Variants in ASH1L observed in about 807,000 individuals in gnomAD.
The protein encoded by ASH1L is ASH1 like histone lysine methyltransferase.
Under a neutral mutation model 269.0 loss-of-function variants are expected in ASH1L, and 23 were observed. The observed-to-expected ratio is 0.09, with a 90% confidence interval of 0.06 to 0.12. The LOEUF is 0.12. ASH1L is among the 10% of genes least tolerant of loss of function. ASH1L has a pLI of 1.00. For synonymous variants in ASH1L, 1,187 were observed against 1,253.5 expected, an observed-to-expected ratio of 0.95 and a Z score of 1.12; for missense variants, 2,912 against 3,567.8, an observed-to-expected ratio of 0.82 and a Z score of 4.68.
chr1:155,490,968 C>CAAAAAAAAAAAAAAAA (rs767615285), intron 2 of ASH1L, among the ~76,000 whole-genome samples: 1 of 61,380 alleles, frequency 1.6e-5, no homozygotes, highest in Non-Finnish European at 2.9e-5. Context: ...ACCCTGATTC[C>CAAAAAAAAAAAAAAAA]AAAAAAAAAA....
chr1:155,454,772 T>TAATAAATA (rs202144102), intron 4 of ASH1L, among the ~76,000 whole-genome samples: 1 of 151,820 alleles, frequency 6.6e-6, no homozygotes, highest in Non-Finnish European at 1.5e-5. Flanking sequence ...CTGTCAAAAA[T>TAATAAATA]AATAAATAAA....
chr1:155,495,740 G>A (rs991421788), intron 2 of ASH1L, among the ~76,000 whole-genome samples: 7 of 152,184 alleles, frequency 4.6e-5, no homozygotes, highest in African/African-American at 1.7e-4. Flanking sequence ...CTCAACGCCT[G>A]TAATCCCAGT....
chr1:155,361,518 C>CAAAAAAAAAAAA (rs1161207568), intron 12 of ASH1L, among the ~76,000 whole-genome samples: 3 of 36,380 alleles, frequency 8.2e-5, no homozygotes, highest in African/African-American at 2.6e-4. Flanking sequence ...CTCCATCTCA[C>CAAAAAAAAAAAA]AAAAAAAAAA....
chr1:155,372,528 C>T (rs775993519), intron 10 of ASH1L, among the ~76,000 whole-genome samples: 18 of 151,892 alleles, frequency 1.2e-4, no homozygotes, highest in Admixed American at 9.8e-4. Context: ...AGGCTGGTCT[C>T]GAACTCCTGG....
At chr1:155,459,511 T>C (rs999878476) in intron 4 of ASH1L, among the ~76,000 whole-genome samples, 4 of 152,290 alleles carry the variant, frequency 2.6e-5, no homozygotes, top group Admixed American at 2.0e-4. Context: ...CAATTTTATA[T>C]GTATCTAAAT....
chr1:155,530,468 G>C (rs1170791240), intron 1 of ASH1L, among the ~76,000 whole-genome samples: 1 of 151,998 alleles, frequency 6.6e-6, no homozygotes, highest in Admixed American at 6.6e-5. Context: ...GCTCACGCCT[G>C]TAATCCCAGC....
At position 155,480,940 on chromosome 1, in the gene ASH1L, G is replaced by T; in HGVS notation, c.1930C>A (p.Pro644Thr). The T allele has an allele frequency of 1.2e-6, 2 of 1,613,920 alleles. No individual in the cohort carries two copies. The highest frequency in any genetic ancestry group is 1.7e-6 in the Non-Finnish European group (2 of 1,179,938). ...TTTCCAAGGGAAGAGCTTATTCTTG[G>T]AATATCTATATGGGTAGTTTTTGAA... is the stretch of plus-strand genomic sequence containing the variant. Reference protein sequence around the residue: ...NDSKTTHIDIPRISSSLGKKP... With the variant: ...NDSKTTHIDITRISSSLGKKP... Residue 644 changes from proline (P) to threonine (T), a missense_variant, in exon 3 of 28, where the codon CCA becomes ACA. Around this residue, in one of 13 missense-constraint regions of ASH1L, gnomAD observed 715 missense variants for 721.0 expected, o/e 0.99. Coordinates refer to ENST00000392403, the MANE Select transcript of ASH1L (RefSeq NM_018489.3).
intron 1 of ASH1L, among the ~76,000 whole-genome samples, chr1:155,522,891 A>C (rs1187647684): frequency 6.6e-6 from 1 of 152,084 alleles, no homozygotes; most frequent in Non-Finnish European, 1.5e-5. Flanking sequence ...GGGTTTCACC[A>C]TGTTGGCCAG....
intron 1 of ASH1L, among the ~76,000 whole-genome samples, chr1:155,545,649 T>C (rs955999678): frequency 6.6e-5 from 10 of 151,768 alleles, no homozygotes; most frequent in Non-Finnish European, 1.5e-4. Flanking sequence ...AAAAAAATTA[T>C]ATATACACAT....
intron 2 of ASH1L, among the ~76,000 whole-genome samples, chr1:155,502,911 C>T (rs1334368719): frequency 1.3e-5 from 2 of 152,152 alleles, no homozygotes; most frequent in African/African-American, 4.8e-5. Flanking sequence ...ACCAAGTATG[C>T]TTAGGAGAAT....
At chr1:155,359,109 G>A (rs1251076933) in intron 13 of ASH1L, among the ~76,000 whole-genome samples, 1 of 152,134 alleles carries the variant, frequency 6.6e-6, no homozygotes, top group Non-Finnish European at 1.5e-5. Flanking sequence ...CACAGAACGA[G>A]ATCCTGTCTT....
chr1:155,348,347 C>T (rs537427571), intron 19 of ASH1L, among the ~76,000 whole-genome samples: 1 of 151,974 alleles, frequency 6.6e-6, no homozygotes, highest in African/African-American at 2.4e-5. Context: ...ACTCTTCTCC[C>T]GCTTGTCTAT....
At position 155,478,573 on chromosome 1, in the gene ASH1L, G is replaced by C. The variant is rs760468382; in HGVS notation, c.4297C>G (p.Leu1433Val). The change falls in exon 3 of 28, where the codon CTT (leucine) becomes GTT (valine). Residue 1433 changes from leucine (L) to valine (V), a missense_variant. Transcript: ENST00000392403. This position sits in a 1 kb window ranked among gnomAD's most constrained non-coding sequence, Gnocchi z 4.6. ...TTATGGTATTTGGCAGGATTGAGAA[G>C]TAAATGACCAGCATGCATATAGGAA... The part of the protein sequence containing the change: ...PPSYMHAGHL[L>V]LNPAKYHKKK... 1.2e-6 allele frequency: 2 copies of C among 1,614,080 alleles called. No homozygotes were observed. Among genetic ancestry groups the C allele is most frequent in the South Asian group, 2.2e-5 (2 of 91,082 alleles).
intron 6 of ASH1L, among the ~76,000 whole-genome samples, chr1:155,410,148 CA>C (rs928077859): frequency 6.0e-5 from 9 of 150,670 alleles, no homozygotes; most frequent in African/African-American, 2.2e-4. Flanking sequence ...GACAGGGTTT[CA>C]AAAAAAACGC....
At chr1:155,388,848 T>C (rs185367676) in intron 7 of ASH1L, among the ~76,000 whole-genome samples, 8 of 151,178 alleles carry the variant, frequency 5.3e-5, no homozygotes, top group Admixed American at 1.3e-4. Flanking sequence ...GCCTCCTGAG[T>C]AGGCATGTAC....
In ASH1L at chr1:155,343,859, A is replaced by G; in HGVS notation, c.7982-117T>C. 8.4e-7 allele frequency: 1 copy of G among 1,188,706 alleles called. No individual in the cohort carries two copies. The highest frequency in any genetic ancestry group is 1.2e-6 in the Non-Finnish European group (1 of 851,860). 73.6% of individuals were successfully genotyped at this position (1,188,706 alleles called of 1,614,324 possible). A position where few individuals can be genotyped will look rare whatever the true frequency, so the allele number is the denominator to read the frequency against. The stretch of plus-strand genomic sequence containing the variant: ...ACTCATAATCTGAAACAGTATAAAT[A>G]CAGAGAGCTAAAAGCAGCAGTGTTA... On this transcript the variant is annotated intron_variant, in intron 22 of 27. Transcript: ENST00000392403. This position sits in a 1 kb window ranked among gnomAD's most constrained non-coding sequence, Gnocchi z 6.1.
At position 155,488,668 on chromosome 1, in the gene ASH1L, CAAAAAAAAAAA is replaced by C. The variant is rs371829476; in HGVS notation, c.421-6230_421-6220del. ...TGGGCAACAGAGCAAGACTCTGTCA[CAAAAAAAAAAA>C]AAAAAAAAAAAAAAAAAAGATTTTG... On this transcript the variant is annotated intron_variant, in intron 2 of 27. Coordinates refer to ENST00000392403, the MANE Select transcript of ASH1L (RefSeq NM_018489.3). Among the ~76,000 whole-genome samples, 41 of 29,200 alleles carry C rather than the reference CAAAAAAAAAAA, an allele frequency of 1.4e-3. 1 individual carries two copies. Among genetic ancestry groups the C allele is most frequent in the South Asian group, 3.4e-3 (2 of 588 alleles). 19.2% of individuals were successfully genotyped at this position (29,200 alleles called of 152,430 possible).
intron 5 of ASH1L, among the ~76,000 whole-genome samples, chr1:155,419,110 A>C (rs1461552404): frequency 6.6e-6 from 1 of 152,030 alleles, no homozygotes; most frequent in Non-Finnish European, 1.5e-5. Flanking sequence ...AACACACGTT[A>C]TAAAAAGGGG....
At chr1:155,346,078 T>G in intron 21 of ASH1L, 1 of 1,019,480 alleles carries the variant, frequency 9.8e-7, no homozygotes, top group Non-Finnish European at 1.3e-6. Flanking sequence ...AGGCAATCCA[T>G]CCGCCTTAGC....
Sources: allele counts gnomAD v4.1 joint callset (sites outside exome capture counted in the v4.1 genomes callset), GRCh38; gene constraint gnomAD v4.1.1; regional missense constraint gnomAD v4.1.1; non-coding constraint Gnocchi (gnomAD v3.1); transcripts MANE v1.5; gene names NCBI Gene and HGNC (gene_info 2026-07-23, HGNC 2026-07-21).